The following PCP4L1 variants were observed in gnomAD, a reference collection of about 807,000 sequenced individuals.
PCP4L1 encodes the protein Purkinje cell protein 4-like protein 1.
In PCP4L1, 9 loss-of-function variants were observed where a neutral mutation model predicts 9.6. The ratio of observed to expected loss-of-function variants is 0.94; its 90% CI spans 0.57 to 1.64. The LOEUF is 1.64. PCP4L1 is among the 40% of genes most tolerant of loss of function. The probability of loss-of-function intolerance (pLI) is 0.00; values close to 1 mark genes in which losing one functional copy is unlikely to be tolerated. For missense variants in PCP4L1, 81 were observed against 80.8 expected (o/e 1.00, Z -0.01); for synonymous variants, 31 against 28.2 (o/e 1.10, Z -0.31).
At chr1:161,276,757 A>G (rs1321420734) in intron 1 of PCP4L1, among the ~76,000 whole-genome samples, 1 of 133,310 alleles carries the variant, frequency 7.5e-6, no homozygotes, top group African/African-American at 2.7e-5. Flanking sequence ...GTATATATGT[A>G]TGTATATATA....
chr1:161,272,360 C>A lies in PCP4L1; in HGVS notation c.10-11308C>A, dbSNP rs182239004. Among the ~76,000 whole-genome samples, 708 of 151,786 alleles carry A rather than the reference C, an allele frequency of 4.7e-3. 2 individuals carry two copies. Among genetic ancestry groups the A allele is most frequent in the African/African-American group, 0.016 (664 of 41,412 alleles). On this transcript the variant is annotated intron_variant, in intron 1 of 2. Transcript: ENST00000504449. Reference sequence around the variant, plus strand: ...AGATCATGAGGTCAGGAGTTCGAGACAAGCCTGGCCAACATGGTGAAACCC... The same window carrying A: ...AGATCATGAGGTCAGGAGTTCGAGAAAAGCCTGGCCAACATGGTGAAACCC...
intron 1 of PCP4L1, among the ~76,000 whole-genome samples, chr1:161,268,619 A>G (rs1215604434): frequency 1.6e-5 from 2 of 128,550 alleles, no homozygotes; most frequent in Non-Finnish European, 3.1e-5. Flanking sequence ...GCACGATCTC[A>G]GCTCACTGCA....
intron 1 of PCP4L1, among the ~76,000 whole-genome samples, chr1:161,270,977 C>T (rs1208754782): frequency 2.0e-5 from 3 of 152,054 alleles, no homozygotes; most frequent in Admixed American, 2.0e-4. Context: ...GTGGGCCTCA[C>T]CAGTCATTAA....
chr1:161,283,918 A>G (rs1161992525), intron 2 of PCP4L1, among the ~76,000 whole-genome samples, 196 bp downstream of exon 2: 1 of 152,222 alleles, frequency 6.6e-6, no homozygotes, highest in Admixed American at 6.5e-5. Context: ...GTAAACGATC[A>G]GTATTTCCTC....
chr1:161,279,063 A>G (rs927180241), intron 1 of PCP4L1, among the ~76,000 whole-genome samples: 19 of 152,218 alleles, frequency 1.2e-4, no homozygotes, highest in East Asian at 3.8e-4. Flanking sequence ...GATTACAGGC[A>G]TGAGCCACTG....
At chr1:161,280,774 T>C (rs1278261861) in intron 1 of PCP4L1, among the ~76,000 whole-genome samples, 5 of 152,252 alleles carry the variant, frequency 3.3e-5, no homozygotes, top group African/African-American at 7.2e-5. Flanking sequence ...ATCTCTTGGC[T>C]TTTCTCCTAC....
chr1:161,273,783 A>T (rs1424749361), intron 1 of PCP4L1, among the ~76,000 whole-genome samples: 1 of 152,210 alleles, frequency 6.6e-6, no homozygotes, highest in South Asian at 2.1e-4. Flanking sequence ...CAGGTTGTCA[A>T]ATATTAATAA....
intron 1 of PCP4L1, among the ~76,000 whole-genome samples, chr1:161,264,270 A>G (rs1571791060): frequency 6.6e-6 from 1 of 151,928 alleles, no homozygotes; most frequent in Admixed American, 6.5e-5. Flanking sequence ...CTGTAATCCC[A>G]GCATTTGGGA....
intron 2 of PCP4L1, among the ~76,000 whole-genome samples, chr1:161,284,006 C>T (rs879928885): frequency 6.6e-6 from 1 of 152,166 alleles, no homozygotes; most frequent in Non-Finnish European, 1.5e-5. Context: ...AAAGTCCCAG[C>T]ATTATCTCCA....
intron 1 of PCP4L1, among the ~76,000 whole-genome samples, chr1:161,280,085 T>C (rs568499314): frequency 6.6e-6 from 1 of 152,356 alleles, no homozygotes; most frequent in South Asian, 2.1e-4. Flanking sequence ...AGCAATCCTA[T>C]CACTGTTCCT....
rs1226903644 is a variant in PCP4L1 at position 161,284,485 on chromosome 1, G to T, written c.*4G>T. Reference sequence around the variant, plus strand: ...GAAAAAGGATCCCAGCTCCTGAATGGCCAGGCTTGCCCTTCACCTTCACCT... The same window carrying T: ...GAAAAAGGATCCCAGCTCCTGAATGTCCAGGCTTGCCCTTCACCTTCACCT... On this transcript the variant is annotated 3_prime_UTR_variant, in exon 3 of 3. Coordinates refer to ENST00000504449, the MANE Select transcript of PCP4L1 (RefSeq NM_001102566.2). 2.5e-6 allele frequency: 4 copies of T among 1,611,076 alleles called. No homozygotes were observed. Among genetic ancestry groups the T allele is most frequent in the Non-Finnish European group, 2.5e-6 (3 of 1,178,538 alleles).
At chr1:161,279,323 G>A (rs998455011) in intron 1 of PCP4L1, among the ~76,000 whole-genome samples, 10 of 152,144 alleles carry the variant, frequency 6.6e-5, no homozygotes, top group Admixed American at 5.9e-4. Context: ...ATAAGTGCAG[G>A]GACTTTCTTT....
Position 161,258,868 on chromosome 1 carries a change from C to A in PCP4L1, c.-107C>A, listed in dbSNP as rs1669365823. 1.4e-6 allele frequency: 2 copies of A among 1,480,380 alleles called. No individual in the cohort carries two copies. The highest frequency in any genetic ancestry group is 2.5e-5 in the East Asian group (1 of 40,628). The allele number at this position is 1,480,380 out of a possible 1,614,324, so 91.7% of individuals were successfully genotyped here. On this transcript the variant is annotated 5_prime_UTR_variant, in exon 1 of 3. Transcript: ENST00000504449. ...ACTCTCCTCTCCTGGTCAGCTGTAA[C>A]CCCTGCCGCAGAGCCCGGCAACTTT...
intron 1 of PCP4L1, among the ~76,000 whole-genome samples, chr1:161,267,120 C>T (rs370377225): frequency 2.6e-4 from 39 of 152,252 alleles, no homozygotes; most frequent in African/African-American, 9.4e-4. Flanking sequence ...TATGTCAATA[C>T]AAAGGCAAGG....
intron 1 of PCP4L1, among the ~76,000 whole-genome samples, chr1:161,281,611 C>A (rs1299969729): frequency 4.0e-5 from 6 of 150,920 alleles, no homozygotes; most frequent in African/African-American, 7.3e-5. Context: ...AGGGGGCTGA[C>A]CCCCACCTCC....
chr1:161,259,606 C>T (rs1669384465), intron 1 of PCP4L1, among the ~76,000 whole-genome samples: 1 of 152,168 alleles, frequency 6.6e-6, no homozygotes, highest in South Asian at 2.1e-4. Flanking sequence ...CCGGCAGGCT[C>T]TGTGGTGTTC....
intron 1 of PCP4L1, among the ~76,000 whole-genome samples, chr1:161,276,014 C>T (rs1325376681): frequency 6.6e-6 from 1 of 151,860 alleles, no homozygotes; most frequent in African/African-American, 2.4e-5. Flanking sequence ...AGGCTGGTCT[C>T]GAACTCCTGA....
chr1:161,283,039 C>A (rs1019939918), intron 1 of PCP4L1, among the ~76,000 whole-genome samples: 1 of 152,236 alleles, frequency 6.6e-6, no homozygotes, highest in Admixed American at 6.5e-5. Flanking sequence ...AGTCAAACTC[C>A]TTAAAAAGAC....
At chr1:161,263,975 T>G (rs985808580) in intron 1 of PCP4L1, among the ~76,000 whole-genome samples, 2 of 147,514 alleles carry the variant, frequency 1.4e-5, no homozygotes, top group African/African-American at 2.5e-5. Flanking sequence ...AGTGGCGCCA[T>G]TTTGGCTCAC....
Sources: allele counts gnomAD v4.1 joint callset (sites outside exome capture counted in the v4.1 genomes callset), GRCh38; gene constraint gnomAD v4.1.1; transcripts MANE v1.5; gene names NCBI Gene and HGNC (gene_info 2026-07-23, HGNC 2026-07-21).